The following CNTN4 variants were observed in gnomAD, a reference collection of about 807,000 sequenced individuals.
CNTN4 encodes the protein contactin-4.
Under a neutral mutation model 122.5 loss-of-function variants are expected in CNTN4, and 77 were observed. The ratio of observed to expected loss-of-function variants is 0.63; its 90% CI spans 0.52 to 0.76. The LOEUF (loss-of-function observed/expected upper bound fraction) is 0.76, where lower values mean the gene tolerates loss of function less well. Among genes scored for constraint, CNTN4 ranks in the 30% least tolerant of loss-of-function variants. The pLI, the probability that CNTN4 is intolerant of heterozygous loss-of-function variation, is 0.00. For synonymous variants in CNTN4, 512 were observed against 447.0 expected (o/e 1.15, Z -1.83); for missense variants, 1,256 against 1,259.1 (o/e 1.00, Z 0.04).
At chr3:2,382,103 A>C (rs1321518699) in intron 3 of CNTN4, among the ~76,000 whole-genome samples, 2 of 152,020 alleles carry the variant, frequency 1.3e-5, no homozygotes, top group Non-Finnish European at 2.9e-5. Flanking sequence ...CACTCTATAC[A>C]GCTTTATATA....
At chr3:2,262,232 A>G (rs934317817) in intron 2 of CNTN4, 13 of 152,196 alleles carry the variant, frequency 8.5e-5, no homozygotes, top group South Asian at 2.1e-4. Context: ...AACTGGACCA[A>G]TTTTTCCAGA....
chr3:2,284,615 T>G (rs749615711), intron 2 of CNTN4, among the ~76,000 whole-genome samples: 1 of 152,104 alleles, frequency 6.6e-6, no homozygotes, highest in Non-Finnish European at 1.5e-5. Flanking sequence ...ATCATACTTT[T>G]GTAATTTTCT....
intron 2 of CNTN4, among the ~76,000 whole-genome samples, chr3:2,136,967 C>A (rs1006100833): frequency 3.3e-5 from 5 of 152,136 alleles, no homozygotes; most frequent in Non-Finnish European, 7.4e-5. Context: ...AACCCCTCCC[C>A]CCGAAGAAAA....
intron 3 of CNTN4, among the ~76,000 whole-genome samples, chr3:2,471,448 A>AT (rs1358717074): frequency 8.5e-5 from 13 of 152,354 alleles, no homozygotes; most frequent in African/African-American, 2.9e-4. Flanking sequence ...CCCTAAAATG[A>AT]TAGCATGTTC....
chr3:2,825,836 C>T (rs1008269917), intron 7 of CNTN4, among the ~76,000 whole-genome samples: 2 of 152,110 alleles, frequency 1.3e-5, no homozygotes, highest in South Asian at 2.1e-4. Flanking sequence ...TTCATTATTA[C>T]GGGTTTTGGA....
At chr3:2,495,360 A>G (rs1282350617) in intron 3 of CNTN4, among the ~76,000 whole-genome samples, 3 of 152,236 alleles carry the variant, frequency 2.0e-5, no homozygotes, top group African/African-American at 7.2e-5. Context: ...CCAATATCAC[A>G]TCTAGACCAC....
intron 4 of CNTN4, among the ~76,000 whole-genome samples, chr3:2,725,555 T>TTG (rs1459087815): frequency 1.3e-5 from 2 of 152,104 alleles, no homozygotes; most frequent in African/African-American, 4.8e-5. Context: ...TAGATTGTAG[T>TTG]TATATATATT....
chr3:2,818,934 G>T (rs185433844), intron 6 of CNTN4, among the ~76,000 whole-genome samples: 2 of 152,258 alleles, frequency 1.3e-5, no homozygotes, highest in African/African-American at 4.8e-5. Context: ...CACACTCTGG[G>T]TATATATGGA....
At chr3:2,449,193 C>T (rs2048734079) in intron 3 of CNTN4, among the ~76,000 whole-genome samples, 1 of 152,220 alleles carries the variant, frequency 6.6e-6, no homozygotes, top group Admixed American at 6.5e-5. Flanking sequence ...AAAAGCTTTG[C>T]TATTTTCGAG....
At chr3:2,361,077 T>G (rs1575459851) in intron 3 of CNTN4, among the ~76,000 whole-genome samples, 1 of 152,202 alleles carries the variant, frequency 6.6e-6, no homozygotes, top group Admixed American at 6.5e-5. Context: ...GGAAGTGACT[T>G]GTATCATGGT....
In CNTN4 at chr3:2,356,200, G is replaced by A. The variant is rs112560898; in HGVS notation, c.-89+16967G>A. Among the ~76,000 whole-genome samples the A allele has an allele frequency of 2.1e-3, 313 of 152,238 alleles. 2 individuals are homozygous for A. Among genetic ancestry groups the A allele is most frequent in the African/African-American group, 7.2e-3 (297 of 41,538 alleles). On this transcript the variant is annotated intron_variant, in intron 3 of 24. Coordinates refer to ENST00000418658, the MANE Select transcript of CNTN4 (RefSeq NM_175607.3). ...TTGGATCTCACATAAGAATGAATTC[G>A]AGAAGAGTCCATAAAGTGAAAGCAA... is the stretch of plus-strand genomic sequence containing the variant.
chr3:2,579,872 C>T (rs926303658), intron 4 of CNTN4, among the ~76,000 whole-genome samples: 3 of 152,094 alleles, frequency 2.0e-5, no homozygotes, highest in Admixed American at 1.3e-4. Flanking sequence ...GTGATGTTGA[C>T]GATGATGTTG....
chr3:2,276,181 AT>A (rs1205747149), intron 2 of CNTN4, among the ~76,000 whole-genome samples: 4 of 142,062 alleles, frequency 2.8e-5, no homozygotes, highest in Non-Finnish European at 1.5e-5. Flanking sequence ...TATTTTTATT[AT>A]TTTTTTTTGA....
chr3:2,685,660 G>C (rs2085395024), intron 4 of CNTN4, among the ~76,000 whole-genome samples: 3 of 152,092 alleles, frequency 2.0e-5, no homozygotes, highest in African/African-American at 7.2e-5. Context: ...TTTGAGTTGT[G>C]TTGGGATTTT....
intron 4 of CNTN4, among the ~76,000 whole-genome samples, chr3:2,668,276 G>T (rs1281285707): frequency 6.6e-6 from 1 of 150,568 alleles, no homozygotes; most frequent in Non-Finnish European, 1.5e-5. Flanking sequence ...CTTGAGCAGT[G>T]GTTTGTAGTT....
intron 3 of CNTN4, among the ~76,000 whole-genome samples, chr3:2,389,924 A>C (rs1378713426): frequency 1.3e-5 from 2 of 152,216 alleles, no homozygotes; most frequent in African/African-American, 4.8e-5. Context: ...CAAGAACATA[A>C]AAGATAAAGC....
intron 16 of CNTN4, among the ~76,000 whole-genome samples, chr3:3,033,540 T>C (rs7646097): frequency 0.64 from 97,422 of 152,032 alleles, 31,645 homozygotes; most frequent in Middle Eastern, 0.72. Context: ...TGACATGGCC[T>C]GATAGTATTT....
intron 4 of CNTN4, among the ~76,000 whole-genome samples, chr3:2,581,480 GACATA>G (rs1345189439): frequency 6.6e-6 from 1 of 152,148 alleles, no homozygotes; most frequent in Non-Finnish European, 1.5e-5. Context: ...TTATATGGCT[GACATA>G]AACAAAGCTG....
intron 3 of CNTN4, among the ~76,000 whole-genome samples, chr3:2,481,323 T>C (rs528371912): frequency 6.6e-6 from 1 of 152,076 alleles, no homozygotes; most frequent in Middle Eastern, 3.4e-3. Flanking sequence ...GTATTTTTAG[T>C]AGAGATGTGG....
Sources: gnomAD v4.1 joint callset for allele counts (sites outside exome capture counted in the v4.1 genomes callset) on GRCh38, gnomAD v4.1.1 for gene constraint, MANE v1.5 for transcripts, NCBI Gene and HGNC (gene_info 2026-07-23, HGNC 2026-07-21) for gene names.